CDH13: variants seen among roughly 807,000 people sequenced by gnomAD.
CDH13 encodes the protein cadherin-13.
In CDH13, 24 loss-of-function variants were observed where a neutral mutation model predicts 63.8. The observed-to-expected ratio is 0.38, with a 90% CI of 0.27 to 0.53. The LOEUF is 0.53. Among genes scored for constraint, CDH13 ranks in the 20% least tolerant of loss-of-function variants. The pLI, the probability that CDH13 is intolerant of heterozygous loss-of-function variation, is 0.85. For synonymous variants in CDH13, 503 were observed against 355.3 expected (o/e 1.42, Z -4.67); for missense variants, 1,049 against 903.1 (o/e 1.16, Z -2.07).
intron 2 of CDH13, among the ~76,000 whole-genome samples, chr16:82,969,063 C>G (rs1205108385): frequency 6.6e-6 from 1 of 152,186 alleles, no homozygotes; most frequent in African/African-American, 2.4e-5. Context: ...GCCAAGATCG[C>G]ATCACTGCAC....
intron 10 of CDH13, chr16:83,729,030 G>T (rs1395082554): frequency 6.6e-6 from 1 of 152,098 alleles, no homozygotes; most frequent in Non-Finnish European, 1.5e-5. Flanking sequence ...AGCATACAGG[G>T]TCTCCTTTTA....
At chr16:83,154,080 C>T (rs2037103617) in intron 4 of CDH13, among the ~76,000 whole-genome samples, 1 of 152,242 alleles carries the variant, frequency 6.6e-6, no homozygotes, top group African/African-American at 2.4e-5. Context: ...TGACTTGCTT[C>T]AGCCTGTGGC....
At chr16:83,649,888 A>T (rs993031677) in intron 8 of CDH13, among the ~76,000 whole-genome samples, 1 of 152,218 alleles carries the variant, frequency 6.6e-6, no homozygotes, top group Non-Finnish European at 1.5e-5. Flanking sequence ...CTTTCTAACC[A>T]GCTCACAGCT....
intron 7 of CDH13, among the ~76,000 whole-genome samples, chr16:83,516,941 C>T (rs1056848817): frequency 1.3e-5 from 2 of 152,042 alleles, no homozygotes; most frequent in African/African-American, 2.4e-5. Context: ...GATAAAGTGG[C>T]GGGAGTGAGA....
intron 5 of CDH13, among the ~76,000 whole-genome samples, chr16:83,255,958 TAAG>T (rs1341312195): frequency 1.3e-5 from 2 of 152,156 alleles, no homozygotes; most frequent in African/African-American, 2.4e-5. Flanking sequence ...TGGTCAAATC[TAAG>T]AAGATTTGAT....
In CDH13 at chr16:82,663,347, C is replaced by T. The variant is rs566114806; in HGVS notation, c.45+36210C>T. Among the ~76,000 whole-genome samples the T allele has an allele frequency of 1.9e-4, 29 of 152,170 alleles. 1 individual carries two copies. The highest frequency in any genetic ancestry group is 6.0e-4 in the African/African-American group (25 of 41,502). The stretch of plus-strand genomic sequence containing the variant: ...GATTACAGGCATGCAGCACCAGGCC[C>T]GGCTAATTTTGTATTTTTAGTATAG... On this transcript the variant is annotated intron_variant, in intron 1 of 13. Transcript: ENST00000567109.
chr16:83,279,205 A>G (rs1224469709), intron 5 of CDH13, among the ~76,000 whole-genome samples: 1 of 152,076 alleles, frequency 6.6e-6, no homozygotes, highest in Non-Finnish European at 1.5e-5. Flanking sequence ...AAACGAGTCT[A>G]ATATCAGGGC....
At chr16:83,758,453 T>C (rs920951500) in intron 11 of CDH13, among the ~76,000 whole-genome samples, 5 of 151,702 alleles carry the variant, frequency 3.3e-5, no homozygotes, top group African/African-American at 1.2e-4. Flanking sequence ...TTTTTTAGTC[T>C]AGTTTTAAAA....
chr16:83,261,124 T>C (rs1842797768), intron 5 of CDH13, among the ~76,000 whole-genome samples: 2 of 152,178 alleles, frequency 1.3e-5, no homozygotes, highest in African/African-American at 2.4e-5. Context: ...GCATCTTGAC[T>C]GACCCACCAA....
At chr16:83,287,768 C>A (rs976596039) in intron 5 of CDH13, among the ~76,000 whole-genome samples, 2 of 152,184 alleles carry the variant, frequency 1.3e-5, no homozygotes. Flanking sequence ...CCCCTCACCT[C>A]CTCCTGGTCC....
chr16:83,347,169 G>C (rs2090856761), intron 6 of CDH13, among the ~76,000 whole-genome samples: 1 of 152,208 alleles, frequency 6.6e-6, no homozygotes, highest in Non-Finnish European at 1.5e-5. Context: ...TGATGAAGAA[G>C]ACGGTATCCT....
chr16:82,871,945 G>A (rs549161228), intron 2 of CDH13, among the ~76,000 whole-genome samples: 38 of 152,240 alleles, frequency 2.5e-4, no homozygotes, highest in Non-Finnish European at 3.8e-4. Flanking sequence ...AAGGCTGACC[G>A]TCCTTGGACC....
chr16:82,956,524 C>T (rs1015664575), intron 2 of CDH13, among the ~76,000 whole-genome samples: 1 of 152,198 alleles, frequency 6.6e-6, no homozygotes, highest in Non-Finnish European at 1.5e-5. Context: ...GGATTATTTT[C>T]AAGCTCAGGT....
chr16:83,029,383 G>A (rs1314241665), intron 2 of CDH13, among the ~76,000 whole-genome samples: 1 of 152,158 alleles, frequency 6.6e-6, no homozygotes, highest in Non-Finnish European at 1.5e-5. Context: ...AACAATATTT[G>A]GAGCCCCAAA....
chr16:83,096,595 A>C (rs2151592969), intron 3 of CDH13, among the ~76,000 whole-genome samples: 1 of 152,310 alleles, frequency 6.6e-6, no homozygotes, highest in South Asian at 2.1e-4. Flanking sequence ...TGCTGAACGC[A>C]AATTTAAATT....
intron 2 of CDH13, among the ~76,000 whole-genome samples, chr16:82,916,005 G>C (rs1422454946): frequency 1.3e-5 from 2 of 151,950 alleles, no homozygotes; most frequent in African/African-American, 4.8e-5. Flanking sequence ...TTTGGGCTCT[G>C]TTTTAATTAA....
chr16:82,755,818 G>A (rs921753639), intron 1 of CDH13, among the ~76,000 whole-genome samples: 2 of 152,226 alleles, frequency 1.3e-5, no homozygotes, highest in Non-Finnish European at 2.9e-5. Flanking sequence ...TTAGGCATTT[G>A]TTTTGGTTAT....
intron 11 of CDH13, among the ~76,000 whole-genome samples, chr16:83,759,807 G>T (rs1913811352): frequency 6.6e-6 from 1 of 151,824 alleles, no homozygotes; most frequent in African/African-American, 2.4e-5. Context: ...ACACACCTGT[G>T]GTCCCAGCTA....
chr16:83,370,765 C>T (rs1378553810), intron 6 of CDH13, among the ~76,000 whole-genome samples: 1 of 152,150 alleles, frequency 6.6e-6, no homozygotes. Flanking sequence ...GGATAATGGT[C>T]TCCATTTCCA....
Sources: allele counts gnomAD v4.1 joint callset (sites outside exome capture counted in the v4.1 genomes callset), GRCh38; gene constraint gnomAD v4.1.1; transcripts MANE v1.5; gene names NCBI Gene and HGNC (gene_info 2026-07-23, HGNC 2026-07-21).